The following ANKRD13C variants were observed in gnomAD, a reference collection of about 807,000 sequenced individuals.
ANKRD13C encodes the protein ankyrin repeat domain-containing protein 13C.
Under a neutral mutation model 65.5 loss-of-function variants are expected in ANKRD13C, and 16 were observed. The observed-to-expected ratio is 0.24, with a 90% CI of 0.17 to 0.37. The LOEUF (loss-of-function observed/expected upper bound fraction) is 0.37. Among genes scored for constraint, ANKRD13C ranks in the 10% least tolerant of loss-of-function variants. The pLI is 1.00. For missense variants in ANKRD13C, 503 were observed against 655.9 expected (o/e 0.77, Z 2.55); for synonymous variants, 235 against 238.7 (o/e 0.98, Z 0.14).
Position 70,315,235 on chromosome 1 carries a change from C to CT in ANKRD13C, c.663+245dup, listed in dbSNP as rs1324200857. Among the ~76,000 whole-genome samples, 9 of 151,590 alleles carry CT rather than the reference C, an allele frequency of 5.9e-5. No individual in the cohort carries two copies. In the East Asian group the frequency reaches 1.2e-3, roughly 20 times the overall value. On this transcript the variant is annotated intron_variant, in intron 4 of 12. Transcript: ENST00000370944. ...ATTGCCATTAACTGTGACTTACCTC[C>CT]TTTTTTTTTCTTTAGAGCTCTTATC...
At chr1:70,332,110 T>C (rs953107094) in intron 2 of ANKRD13C, among the ~76,000 whole-genome samples, 3 of 152,218 alleles carry the variant, frequency 2.0e-5, no homozygotes, top group Admixed American at 6.5e-5. Flanking sequence ...CCAACATTAT[T>C]TGCAGATCCT....
At chr1:70,308,130 C>A (rs1037334063) in intron 5 of ANKRD13C, among the ~76,000 whole-genome samples, 3 of 152,072 alleles carry the variant, frequency 2.0e-5, no homozygotes, top group African/African-American at 4.8e-5. Context: ...AGCACTCCAA[C>A]TTAAGTTAAT....
At chr1:70,331,119 G>C (rs902033225) in intron 2 of ANKRD13C, among the ~76,000 whole-genome samples, 13 of 152,148 alleles carry the variant, frequency 8.5e-5, no homozygotes, top group African/African-American at 2.7e-4. Flanking sequence ...GAACGCCCTG[G>C]GAAATTTTGT....
In ANKRD13C at chr1:70,300,767, A is replaced by G. The variant is rs377512996; in HGVS notation, c.918T>C (p.His306=). Residue 306 remains histidine, a synonymous_variant, in exon 7 of 13, where the codon CAT becomes CAC. Transcript: ENST00000370944. ...ATTGATAAGACAACATGCTCACCTC[A>G]TGATGTATTCGCTGATAAACTTTTT... The part of the protein sequence containing the change: ...NEQKVYQRIH[H]EESEMETEEE... The G allele has an allele frequency of 9.3e-6, 15 of 1,606,496 alleles. No homozygotes were observed. Among genetic ancestry groups the G allele is most frequent in the Non-Finnish European group, 1.2e-5 (14 of 1,177,338 alleles).
At chr1:70,283,207 C>T (rs1377788432) in intron 9 of ANKRD13C, among the ~76,000 whole-genome samples, 1 of 152,052 alleles carries the variant, frequency 6.6e-6, no homozygotes, top group Non-Finnish European at 1.5e-5. Context: ...ACACTTCTTG[C>T]TGAATCCTTC....
chr1:70,315,239 T>G (rs1165343223), intron 4 of ANKRD13C, among the ~76,000 whole-genome samples: 2 of 152,184 alleles, frequency 1.3e-5, no homozygotes, highest in Non-Finnish European at 2.9e-5. Context: ...TACCTCCTTT[T>G]TTTTTCTTTA....
rs752294089 is a variant in ANKRD13C, at chr1:70,300,837, C to G, written c.848G>C (p.Gly283Ala). ...QRGDLSFIFNGDAAPSESFVV... is the reference protein window; with the variant it reads ...QRGDLSFIFNADAAPSESFVV... Reference sequence around the variant, plus strand: ...AAAAGATTCAGAGGGCGCCGCATCCCCATTGAAAATGAAGCTTAGATCCCC... The same window carrying G: ...AAAAGATTCAGAGGGCGCCGCATCCGCATTGAAAATGAAGCTTAGATCCCC... Residue 283 changes from glycine (G) to alanine (A), a missense_variant, in exon 7 of 13, where the codon GGG (glycine) becomes GCG (alanine). Physicochemically the swap from Gly to Ala is moderately conservative, Grantham distance 60. Transcript: ENST00000370944. The G allele has an allele frequency of 6.2e-7, 1 of 1,613,284 alleles. No individual in the cohort carries two copies. The highest frequency in any genetic ancestry group is 8.5e-7 in the Non-Finnish European group (1 of 1,179,734).
rs555154893 is a variant in ANKRD13C at position 70,301,306 on chromosome 1, T to C, written c.777-398A>G. ...CTTTCTGCTCCCTTGTTTCCTACCA[T>C]TTCCCTTACTGTAGCTACTCAATAA... is the stretch of plus-strand genomic sequence containing the variant. On this transcript the variant is annotated intron_variant, in intron 6 of 12. Coordinates refer to ENST00000370944, the MANE Select transcript of ANKRD13C (RefSeq NM_030816.5). Among the ~76,000 whole-genome samples the C allele has an allele frequency of 3.9e-5, 6 of 152,264 alleles. No individual in the cohort carries two copies. The South Asian group carries it at 1.2e-3, about 32-fold the overall frequency.
intron 4 of ANKRD13C, 109 bp from the exon 5 acceptor site, chr1:70,313,899 T>C (rs992608780): frequency 4.3e-6 from 3 of 700,156 alleles, no homozygotes; most frequent in Non-Finnish European, 7.4e-6. Flanking sequence ...TTACTATACT[T>C]AATTACAAAG....
chr1:70,324,972 AG>A lies in ANKRD13C; in HGVS notation c.473-16del. ...ATGGGCACATTCTGCAATATAAAGT[AG>A]TAATAATATCAAACATCATGCAATT... On this transcript the variant is annotated splice_polypyrimidine_tract_variant and intron_variant, in intron 2 of 12. Coordinates refer to ENST00000370944, the MANE Select transcript of ANKRD13C (RefSeq NM_030816.5). 4.5e-6 allele frequency: 7 copies of A among 1,569,602 alleles called. No individual in the cohort carries two copies. Among genetic ancestry groups the A allele is most frequent in the Non-Finnish European group, 6.1e-6 (7 of 1,148,320 alleles).
intron 3 of ANKRD13C, among the ~76,000 whole-genome samples, chr1:70,319,803 C>T (rs1681230143): frequency 6.6e-6 from 1 of 152,140 alleles, no homozygotes; most frequent in Non-Finnish European, 1.5e-5. Context: ...TTCCACTCAT[C>T]TGTTTCCCCC....
At chr1:70,268,754 T>C (rs1377849325) in intron 12 of ANKRD13C, among the ~76,000 whole-genome samples, 3 of 152,114 alleles carry the variant, frequency 2.0e-5, no homozygotes, top group Non-Finnish European at 4.4e-5. Context: ...AATTTAGTCT[T>C]TGAGCAAAAT....
chr1:70,324,943 G>T lies in ANKRD13C; in HGVS notation c.487C>A (p.Leu163Ile), dbSNP rs765412254. 24 of 1,610,336 alleles carry T rather than the reference G, an allele frequency of 1.5e-5. No homozygotes were observed. The highest frequency in any genetic ancestry group is 1.9e-5 in the Non-Finnish European group (22 of 1,177,956). Residue 163 changes from leucine (L) to isoleucine (I), a missense_variant, in exon 3 of 13, where the codon CTT becomes ATT. Around this residue, in one of 2 missense-constraint regions of ANKRD13C, gnomAD observed 300 missense variants for 478.3 expected, o/e 0.63. Transcript: ENST00000370944. The part of the protein sequence containing the change: ...MLGNKECAHL[L>I]LAHNAPVKVK... ...TTGACTGGAGCATTGTGAGCCAAAA[G>T]TAAATGGGCACATTCTGCAATATAA... is the stretch of plus-strand genomic sequence containing the variant.
In ANKRD13C at chr1:70,259,399, G is replaced by T. The variant is rs1456404737; in HGVS notation, c.*3318C>A. ...TTCAGTGTGTGGAAAAAGCAAAATT[G>T]TAATTCTATGTACCATAGGTACCAT... On this transcript the variant is annotated 3_prime_UTR_variant, in exon 13 of 13. Coordinates refer to ENST00000370944, the MANE Select transcript of ANKRD13C (RefSeq NM_030816.5). Among the ~76,000 whole-genome samples, 1 of 152,154 alleles carries T rather than the reference G, an allele frequency of 6.6e-6. No individual in the cohort carries two copies. The highest frequency in any genetic ancestry group is 2.4e-5 in the African/African-American group (1 of 41,444).
chr1:70,345,749 A>G (rs1682502357), intron 1 of ANKRD13C, among the ~76,000 whole-genome samples: 1 of 152,212 alleles, frequency 6.6e-6, no homozygotes, highest in African/African-American at 2.4e-5. Context: ...TCAAATTTCT[A>G]CTTTTCATTT....
At chr1:70,348,495 G>A (rs61782673) in intron 1 of ANKRD13C, among the ~76,000 whole-genome samples, 10,809 of 152,158 alleles carry the variant, frequency 0.071, 490 homozygotes, top group South Asian at 0.2. Flanking sequence ...TTGAACTCCC[G>A]ACCTCAGGTG....
chr1:70,353,590 C>T (rs1387199101), intron 1 of ANKRD13C, among the ~76,000 whole-genome samples: 4 of 152,016 alleles, frequency 2.6e-5, no homozygotes, highest in East Asian at 1.9e-4. Context: ...GCAATTTATG[C>T]GTTCAAAATT....
At chr1:70,339,728 G>T (rs895912017) in intron 1 of ANKRD13C, among the ~76,000 whole-genome samples, 2 of 151,460 alleles carry the variant, frequency 1.3e-5, no homozygotes, top group African/African-American at 2.4e-5. Context: ...AATGATATAC[G>T]ATGACATTTG....
In ANKRD13C at chr1:70,354,078, G is replaced by A. The variant is rs371831076; in HGVS notation, c.331C>T (p.Pro111Ser). The change falls in exon 1 of 13, where the codon CCC (proline) becomes TCC (serine). Residue 111 changes from proline (P) to serine (S), a missense_variant. Transcript: ENST00000370944. ...VAVVADGGSC[P>S]AHYPVHECVF... ...CACTCGTGCACCGGGTAGTGTGCGG[G>A]GCAACTGCCTCCATCCGCGACGACA... 5.6e-6 allele frequency: 9 copies of A among 1,611,038 alleles called. No homozygotes were observed. The highest frequency in any genetic ancestry group is 1.7e-4 in the Middle Eastern group (1 of 6,056).
Sources: allele counts gnomAD v4.1 joint callset (sites outside exome capture counted in the v4.1 genomes callset), GRCh38; gene constraint gnomAD v4.1.1; regional missense constraint gnomAD v4.1.1; transcripts MANE v1.5; gene names NCBI Gene and HGNC (gene_info 2026-07-23, HGNC 2026-07-21).